The following NTM variants were observed in gnomAD, a reference collection of about 807,000 sequenced individuals.
The protein encoded by NTM is IgLON family member 2.
A neutral mutation model predicts 42.1 loss-of-function variants in NTM; 13 were observed. The ratio of observed to expected loss-of-function variants is 0.31; its 90% confidence interval spans 0.20 to 0.49. The LOEUF is 0.49. Among genes scored for constraint, NTM ranks in the 20% least tolerant of loss-of-function variants. NTM has a pLI of 0.99. For synonymous variants in NTM, 187 were observed against 179.2 expected, an observed-to-expected ratio of 1.04 and a Z score of -0.35; for missense variants, 373 against 452.8, an observed-to-expected ratio of 0.82 and a Z score of 1.60.
At chr11:132,169,320 CTTTTTTTTTTTTTTT>C (rs567723794) in intron 3 of NTM, among the ~76,000 whole-genome samples, 22 of 32,378 alleles carry the variant, frequency 6.8e-4, no homozygotes, top group East Asian at 1.5e-3. Flanking sequence ...AATTTTTTTA[CTTTTTTTTTTTTTTT>C]TTTTTTTTTT....
At chr11:131,715,566 A>G (rs142125173) in intron 1 of NTM, among the ~76,000 whole-genome samples, 175 of 152,338 alleles carry the variant, frequency 1.1e-3, no homozygotes, top group Admixed American at 2.0e-3. Flanking sequence ...AATCATCACA[A>G]TGATCATAGT....
intron 1 of NTM, among the ~76,000 whole-genome samples, chr11:131,424,934 C>T (rs982169435): frequency 1.4e-5 from 2 of 144,572 alleles, no homozygotes; most frequent in African/African-American, 5.2e-5. Context: ...GGTTGGAATG[C>T]GGTGGCTCGA....
chr11:132,204,273 A>G (rs929498894), intron 3 of NTM, among the ~76,000 whole-genome samples: 2 of 152,260 alleles, frequency 1.3e-5, no homozygotes, highest in Non-Finnish European at 1.5e-5. Context: ...CCTTGGGGGC[A>G]ATTTAAAGAT....
At chr11:131,547,382 CAGAG>C (rs1486971375) in intron 1 of NTM, among the ~76,000 whole-genome samples, 2 of 152,172 alleles carry the variant, frequency 1.3e-5, no homozygotes, top group Non-Finnish European at 2.9e-5. Context: ...GCGCCTTGGA[CAGAG>C]AGAGAATGCT....
chr11:131,575,958 A>G (rs1302198367), intron 1 of NTM, among the ~76,000 whole-genome samples: 3 of 152,182 alleles, frequency 2.0e-5, no homozygotes, highest in Non-Finnish European at 4.4e-5. Flanking sequence ...CAGGGTTAAA[A>G]TTTCATTTTA....
chr11:131,579,519 C>G (rs2458767), intron 1 of NTM, among the ~76,000 whole-genome samples: 82,828 of 151,972 alleles, frequency 0.55, 22,885 homozygotes, highest in South Asian at 0.69. Flanking sequence ...TATTACAGGA[C>G]CCCATAATAT....
At chr11:131,751,300 A>T (rs1185987378) in intron 1 of NTM, among the ~76,000 whole-genome samples, 1 of 151,894 alleles carries the variant, frequency 6.6e-6, no homozygotes, top group African/African-American at 2.4e-5. Context: ...ATAAATAAAT[A>T]AAAAGGCTGG....
chr11:131,839,068 C>T (rs1385763306), intron 1 of NTM, among the ~76,000 whole-genome samples: 1 of 151,404 alleles, frequency 6.6e-6, no homozygotes, highest in Non-Finnish European at 1.5e-5. Flanking sequence ...TCATGCGATT[C>T]TCCTGCCTCA....
intron 1 of NTM, among the ~76,000 whole-genome samples, chr11:131,737,238 G>T (rs2080585979): frequency 6.6e-6 from 1 of 152,162 alleles, no homozygotes; most frequent in African/African-American, 2.4e-5. Context: ...TGCAATAAAG[G>T]CTGAGGAAGG....
chr11:132,104,182 C>T (rs889833753), intron 2 of NTM, among the ~76,000 whole-genome samples: 20 of 152,090 alleles, frequency 1.3e-4, no homozygotes, highest in Admixed American at 1.2e-3. Flanking sequence ...AATCTGTGTG[C>T]CTTAAGAGCT....
At chr11:132,031,341 C>A (rs368606366) in intron 2 of NTM, among the ~76,000 whole-genome samples, 24 of 152,282 alleles carry the variant, frequency 1.6e-4, no homozygotes, top group African/African-American at 5.5e-4. Context: ...ACTCTGGGAC[C>A]ATGAGAATAG....
chr11:131,807,841 A>G (rs149243495), intron 1 of NTM, among the ~76,000 whole-genome samples: 1 of 152,354 alleles, frequency 6.6e-6, no homozygotes, highest in African/African-American at 2.4e-5. Flanking sequence ...AGTTATTTGC[A>G]TAACGACTAC....
intron 1 of NTM, among the ~76,000 whole-genome samples, chr11:131,640,530 G>A (rs914737345): frequency 1.3e-5 from 2 of 152,090 alleles, no homozygotes; most frequent in Non-Finnish European, 2.9e-5. Context: ...TAATGAGGCT[G>A]GCTCTACCCT....
chr11:132,127,380 C>T (rs569778542), intron 2 of NTM, among the ~76,000 whole-genome samples: 19 of 152,354 alleles, frequency 1.2e-4, no homozygotes, highest in Non-Finnish European at 2.2e-4. Flanking sequence ...CACCTTGCTG[C>T]GGTGAGCGCA....
chr11:131,911,141 C>T, intron 1 of NTM: 1 of 1,271,212 alleles, frequency 7.9e-7, no homozygotes. Context: ...TGAACTGCCG[C>T]TGGGAAGAAG....
At chr11:132,145,487 A>G (rs2070185038) in intron 2 of NTM, among the ~76,000 whole-genome samples, 1 of 152,226 alleles carries the variant, frequency 6.6e-6, no homozygotes, top group South Asian at 2.1e-4. Flanking sequence ...CATGATGAGG[A>G]CTTGGCGAGA....
intron 1 of NTM, among the ~76,000 whole-genome samples, chr11:131,606,627 G>A (rs931067408): frequency 1.3e-5 from 2 of 152,080 alleles, no homozygotes; most frequent in Non-Finnish European, 2.9e-5. Flanking sequence ...GGGAACTTGG[G>A]AACTAACTGC....
intron 2 of NTM, among the ~76,000 whole-genome samples, chr11:132,051,577 C>T (rs2078857974): frequency 6.6e-6 from 1 of 152,166 alleles, no homozygotes; most frequent in African/African-American, 2.4e-5. Flanking sequence ...TCTCCAGTCC[C>T]CCAGGCTCCG....
At chr11:132,297,393 G>C (rs1290828732) in intron 4 of NTM, among the ~76,000 whole-genome samples, 1 of 152,178 alleles carries the variant, frequency 6.6e-6, no homozygotes, top group African/African-American at 2.4e-5. Context: ...TGCTTGCAAA[G>C]GGAAAGCCTG....
Sources: allele counts gnomAD v4.1 joint callset (sites outside exome capture counted in the v4.1 genomes callset), GRCh38; gene constraint gnomAD v4.1.1; transcripts MANE v1.5; gene names NCBI Gene and HGNC (gene_info 2026-07-23, HGNC 2026-07-21).